The following COL4A1 variants were observed in gnomAD, a reference collection of about 807,000 sequenced individuals.
COL4A1 encodes the protein collagen type IV alpha 1 chain.
A neutral mutation model predicts 216.6 loss-of-function variants in COL4A1; 40 were observed. That is an observed-to-expected ratio of 0.18 (90% confidence interval 0.14 to 0.24). The LOEUF is 0.24. Ranked by LOEUF, COL4A1 falls within the 10% of genes least tolerant of loss-of-function variation. The probability of loss-of-function intolerance (pLI) is 1.00; values close to 1 mark genes in which losing one functional copy is unlikely to be tolerated. For missense variants in COL4A1, 1,628 were observed against 2,196.8 expected (o/e 0.74, Z 5.18); for synonymous variants, 839 against 810.7 (o/e 1.03, Z -0.59).
intron 21 of COL4A1, 152 bp downstream of exon 21, chr13:110,198,315 G>T: frequency 1.2e-6 from 1 of 804,956 alleles, no homozygotes. Context: ...ATTCTCTGAA[G>T]ATTCCCTTAG....
chr13:110,284,659 C>CT (rs967259062), intron 1 of COL4A1, among the ~76,000 whole-genome samples: 11 of 152,168 alleles, frequency 7.2e-5, no homozygotes, highest in African/African-American at 2.7e-4. Context: ...TAGCTGTCTT[C>CT]TTTTTGTAAA....
chr13:110,256,787 A>G (rs901478019), intron 1 of COL4A1, among the ~76,000 whole-genome samples: 3 of 152,158 alleles, frequency 2.0e-5, no homozygotes, highest in Non-Finnish European at 4.4e-5. Flanking sequence ...GATAGCAAAT[A>G]GATATTCTTT....
chr13:110,291,457 A>C (rs1390300117), intron 1 of COL4A1, among the ~76,000 whole-genome samples: 1 of 152,184 alleles, frequency 6.6e-6, no homozygotes, highest in Non-Finnish European at 1.5e-5. Context: ...AATTTCACCC[A>C]GGTCACAGCA....
intron 2 of COL4A1, among the ~76,000 whole-genome samples, chr13:110,239,276 C>A (rs1414553019): frequency 1.3e-5 from 2 of 152,118 alleles, no homozygotes; most frequent in Non-Finnish European, 2.9e-5. Flanking sequence ...TCTGTCATAT[C>A]GCCATAGAAA....
chr13:110,201,999 G>A lies in COL4A1; in HGVS notation c.1000-477C>T, dbSNP rs145486019. Among the ~76,000 whole-genome samples the A allele has an allele frequency of 7.5e-3, 1,137 of 152,142 alleles. 10 individuals carry two copies. The highest frequency in any genetic ancestry group is 0.022 in the African/African-American group (897 of 41,506). On this transcript the variant is annotated intron_variant, in intron 18 of 51. Transcript: ENST00000375820. ...TCTGTCTCAAACAAAGAAACAAACA[G>A]CAACAACAACGAAAGCATATGGAAT...
At chr13:110,223,133 T>C (rs1029082312) in intron 2 of COL4A1, among the ~76,000 whole-genome samples, 1 of 152,028 alleles carries the variant, frequency 6.6e-6, no homozygotes, top group South Asian at 2.1e-4. Flanking sequence ...ACAGAAAAAA[T>C]AGCAAATTCA....
At chr13:110,153,821 A>C (rs995345388) in intron 50 of COL4A1, among the ~76,000 whole-genome samples, 2 of 152,140 alleles carry the variant, frequency 1.3e-5, no homozygotes, top group Admixed American at 6.5e-5. Flanking sequence ...CTTTTTCTAC[A>C]CTTGGAAAAA....
rs1877756617 is a variant in COL4A1, at chr13:110,173,910, C to T, written c.3495G>A (p.Lys1165=). The T allele has an allele frequency of 6.2e-7, 1 of 1,614,100 alleles. No individual in the cohort carries two copies. Among genetic ancestry groups the T allele is most frequent in the African/African-American group, 1.3e-5 (1 of 74,934 alleles). Residue 1165 remains lysine (K), a synonymous_variant, in exon 40 of 52, where the codon AAG becomes AAA. Coordinates refer to ENST00000375820, the MANE Select transcript of COL4A1 (RefSeq NM_001845.6). ...SDGIPGSAGE[K]GEPGLPGRGF... ...GGCGTTGGGCCATACCTGGTTCACC[C>T]TTCTCTCCTGCTGACCCCGGGATTC...
rs1482566742 is a variant in COL4A1, at chr13:110,163,504, G to C, written c.4208C>G (p.Ala1403Gly). ...TCCCATCTCTCCTTTCTGGCCAGGG[G>C]CACCGTCAAACCCAGGAATACCTGG... Reference protein sequence around the residue: ...GPPGIPGFDGAPGQKGEMGPA... With the variant: ...GPPGIPGFDGGPGQKGEMGPA... Residue 1403 changes from alanine to glycine, a missense_variant, in exon 47 of 52, where the codon GCC becomes GGC. Coordinates refer to ENST00000375820, the MANE Select transcript of COL4A1 (RefSeq NM_001845.6). The C allele has an allele frequency of 6.2e-7, 1 of 1,614,112 alleles. No individual in the cohort carries two copies. Among genetic ancestry groups the C allele is most frequent in the South Asian group, 1.1e-5 (1 of 91,074 alleles).
At chr13:110,169,177 G>C (rs75372280) in intron 43 of COL4A1, among the ~76,000 whole-genome samples, 24,104 of 152,078 alleles carry the variant, frequency 0.16, 2,002 homozygotes, top group East Asian at 0.2. Context: ...ATGGAATATT[G>C]CTGGTTATCT....
intron 1 of COL4A1, 79 bp downstream of exon 1, chr13:110,306,865 C>G: frequency 7.5e-7 from 1 of 1,330,028 alleles, no homozygotes; most frequent in Middle Eastern, 2.7e-4. Context: ...GCGGACGGGT[C>G]CAGGCGCGGA....
chr13:110,239,941 C>G (rs73613433), intron 2 of COL4A1, among the ~76,000 whole-genome samples: 7,247 of 152,266 alleles, frequency 0.048, 306 homozygotes, highest in African/African-American at 0.11. Flanking sequence ...AAAATTTCCT[C>G]TGTCAGTGGG....
chr13:110,206,116 G>C (rs577931562), intron 15 of COL4A1, among the ~76,000 whole-genome samples: 1 of 152,316 alleles, frequency 6.6e-6, no homozygotes, highest in East Asian at 1.9e-4. Context: ...ATTGTATCTT[G>C]GTAGCAAAGC....
chr13:110,278,312 C>T (rs1883501043), intron 1 of COL4A1, among the ~76,000 whole-genome samples: 1 of 152,194 alleles, frequency 6.6e-6, no homozygotes, highest in Non-Finnish European at 1.5e-5. Flanking sequence ...GCCCATCTGA[C>T]ATTTTTATTC....
chr13:110,163,980 CTCTCTTTTTTT>C (rs1264816643), intron 46 of COL4A1, among the ~76,000 whole-genome samples: 8 of 108,684 alleles, frequency 7.4e-5, no homozygotes, highest in Admixed American at 3.5e-4. Context: ...TTCTTTCTCT[CTCTCTTTTTTT>C]TTTTTTTTTT....
chr13:110,271,357 G>A (rs1467074024), intron 1 of COL4A1, among the ~76,000 whole-genome samples: 1 of 152,168 alleles, frequency 6.6e-6, no homozygotes, highest in Non-Finnish European at 1.5e-5. Context: ...AGGAGCCAAA[G>A]AAAAACAGTA....
intron 50 of COL4A1, among the ~76,000 whole-genome samples, chr13:110,154,075 C>A (rs1876640831): frequency 1.3e-5 from 2 of 152,162 alleles, no homozygotes; most frequent in Admixed American, 6.5e-5. Flanking sequence ...AGCTATGAAG[C>A]CTGTCAATCA....
intron 1 of COL4A1, chr13:110,265,715 TC>T (rs1883002204): frequency 6.6e-6 from 1 of 152,250 alleles, no homozygotes; most frequent in Non-Finnish European, 1.5e-5. Context: ...GTTATCTACG[TC>T]ACTAGGTGCC....
intron 1 of COL4A1, among the ~76,000 whole-genome samples, chr13:110,245,284 G>A (rs1239208727): frequency 3.3e-5 from 5 of 152,202 alleles, no homozygotes; most frequent in Non-Finnish European, 7.3e-5. Flanking sequence ...CCTCTTTGCT[G>A]GGATTATGCC....
Sources: allele counts gnomAD v4.1 joint callset (sites outside exome capture counted in the v4.1 genomes callset), GRCh38; gene constraint gnomAD v4.1.1; transcripts MANE v1.5; gene names NCBI Gene and HGNC (gene_info 2026-07-23, HGNC 2026-07-21).